The following CSMD1 variants were observed in gnomAD, a reference collection of about 807,000 sequenced individuals.
CSMD1 encodes CUB and Sushi multiple domains 1, also known as CUB and sushi domain-containing protein 1.
Under a neutral mutation model 417.5 loss-of-function variants are expected in CSMD1, and 213 were observed. The ratio of observed to expected loss-of-function variants is 0.51; its 90% CI spans 0.46 to 0.57. The LOEUF (loss-of-function observed/expected upper bound fraction) is 0.57. Ranked by LOEUF, CSMD1 falls within the 20% of genes least tolerant of loss-of-function variation. CSMD1 has a pLI of 0.00. For synonymous variants in CSMD1, 2,862 were observed against 1,736.8 expected (o/e 1.65, Z -16.11); for missense variants, 6,923 against 4,529.7 (o/e 1.53, Z -15.17).
chr8:3,155,555 G>C, intron 39 of CSMD1, among the ~76,000 whole-genome samples: 1 of 151,294 alleles, frequency 6.6e-6, no homozygotes, highest in East Asian at 2.0e-4. Context: ...TTTTAGTAGA[G>C]ACGGGATTTT....
intron 5 of CSMD1, among the ~76,000 whole-genome samples, chr8:3,904,071 C>T (rs937771755): frequency 2.6e-5 from 4 of 152,068 alleles, no homozygotes; most frequent in African/African-American, 9.7e-5. Context: ...GGTGTGATAT[C>T]TTCAGTCAAA....
intron 1 of CSMD1, among the ~76,000 whole-genome samples, chr8:4,712,486 G>T (rs1054463799): frequency 2.4e-4 from 37 of 152,126 alleles, no homozygotes; most frequent in African/African-American, 8.7e-4. Context: ...AGCAGAAATG[G>T]CTAATTGCTT....
intron 1 of CSMD1, among the ~76,000 whole-genome samples, chr8:4,904,657 G>T (rs1805118704): frequency 6.6e-6 from 1 of 152,132 alleles, no homozygotes; most frequent in African/African-American, 2.4e-5. Flanking sequence ...GTTCAAGAGT[G>T]TTGTGAGCCT....
chr8:4,483,673 T>G (rs1801221646), intron 2 of CSMD1, among the ~76,000 whole-genome samples: 1 of 152,174 alleles, frequency 6.6e-6, no homozygotes, highest in South Asian at 2.1e-4. Flanking sequence ...TTTAATCCAT[T>G]TTTGTAAGAA....
intron 3 of CSMD1, among the ~76,000 whole-genome samples, chr8:4,364,053 T>C (rs894881089): frequency 2.0e-5 from 3 of 152,198 alleles, no homozygotes; most frequent in Non-Finnish European, 2.9e-5. Context: ...TATAATTGAA[T>C]TGTCTGTAAC....
intron 3 of CSMD1, among the ~76,000 whole-genome samples, chr8:4,289,957 G>C (rs535560618): frequency 6.6e-6 from 1 of 152,306 alleles, no homozygotes; most frequent in South Asian, 2.1e-4. Flanking sequence ...TTCTTGAGAG[G>C]AGACTCATTA....
chr8:4,326,582 C>G (rs1050510305), intron 3 of CSMD1, among the ~76,000 whole-genome samples: 1 of 152,158 alleles, frequency 6.6e-6, no homozygotes, highest in African/African-American at 2.4e-5. Flanking sequence ...CAATTCCAAA[C>G]TTCTTTTTCT....
chr8:3,676,965 G>C (rs1177122942), intron 7 of CSMD1, among the ~76,000 whole-genome samples: 2 of 151,924 alleles, frequency 1.3e-5, no homozygotes, highest in African/African-American at 4.8e-5. Context: ...ACAACACAAG[G>C]ACACAGGGAG....
intron 3 of CSMD1, among the ~76,000 whole-genome samples, chr8:4,058,797 C>T (rs1424159959): frequency 6.7e-6 from 1 of 149,894 alleles, no homozygotes; most frequent in Admixed American, 6.7e-5. Context: ...TAAAGCAAGT[C>T]CTGAGTGACC....
At chr8:4,230,516 C>A (rs186822557) in intron 3 of CSMD1, among the ~76,000 whole-genome samples, 209 of 152,274 alleles carry the variant, frequency 1.4e-3, no homozygotes, top group Non-Finnish European at 1.9e-3. Flanking sequence ...TCCTTTCCCA[C>A]ATACAGAGTT....
chr8:3,969,573 G>A (rs892978759), intron 5 of CSMD1, among the ~76,000 whole-genome samples: 7 of 151,986 alleles, frequency 4.6e-5, no homozygotes, highest in East Asian at 1.9e-4. Context: ...AATAGGTGAC[G>A]GCATAATTGA....
chr8:3,388,074 T>C (rs1489542907), intron 17 of CSMD1, among the ~76,000 whole-genome samples: 2 of 152,220 alleles, frequency 1.3e-5, no homozygotes, highest in East Asian at 3.8e-4. Context: ...ACATATGTAC[T>C]TCTATATTTA....
At chr8:3,550,499 T>C (rs1052625136) in intron 10 of CSMD1, among the ~76,000 whole-genome samples, 1 of 152,196 alleles carries the variant, frequency 6.6e-6, no homozygotes, top group Admixed American at 6.5e-5. Context: ...TGCACAGTAA[T>C]GTTTCCATAC....
At chr8:3,527,892 A>G (rs553967617) in intron 10 of CSMD1, among the ~76,000 whole-genome samples, 14 of 152,324 alleles carry the variant, frequency 9.2e-5, no homozygotes, top group Middle Eastern at 3.4e-3. Context: ...AGCACCACGG[A>G]CATTACAGGC....
chr8:4,461,880 A>G (rs1445197149), intron 2 of CSMD1, among the ~76,000 whole-genome samples: 1 of 151,578 alleles, frequency 6.6e-6, no homozygotes, highest in African/African-American at 2.4e-5. Context: ...AGCTCGGACT[A>G]CAGGAGCCCG....
At chr8:4,154,578 G>A (rs952647446) in intron 3 of CSMD1, among the ~76,000 whole-genome samples, 10 of 152,150 alleles carry the variant, frequency 6.6e-5, no homozygotes, top group African/African-American at 2.4e-4. Context: ...TGGGCCAAGA[G>A]GTGAGGTCTT....
chr8:3,648,590 T>C (rs113963402), intron 7 of CSMD1, among the ~76,000 whole-genome samples: 483 of 152,296 alleles, frequency 3.2e-3, no homozygotes, highest in Middle Eastern at 0.017. Flanking sequence ...GTTTTGATTT[T>C]AGAACAGATT....
chr8:3,672,473 G>A (rs750238079), intron 7 of CSMD1, among the ~76,000 whole-genome samples: 3 of 152,172 alleles, frequency 2.0e-5, no homozygotes, highest in African/African-American at 4.8e-5. Flanking sequence ...CAAAACACGT[G>A]TAGGTCTGCT....
chr8:4,017,522 T>C (rs1796580807), intron 4 of CSMD1, among the ~76,000 whole-genome samples: 1 of 152,130 alleles, frequency 6.6e-6, no homozygotes, highest in Admixed American at 6.5e-5. Flanking sequence ...GTCAGGCTGG[T>C]CTCGAACTCC....
Sources: allele counts gnomAD v4.1 joint callset (sites outside exome capture counted in the v4.1 genomes callset), GRCh38; gene constraint gnomAD v4.1.1; transcripts MANE v1.5; gene names NCBI Gene and HGNC (gene_info 2026-07-23, HGNC 2026-07-21).